TBC1D19: variants seen among roughly 807,000 people sequenced by gnomAD.
TBC1D19 encodes TBC1 domain family, member 19.
In TBC1D19, 60 loss-of-function variants were observed where a neutral mutation model predicts 89.0. The observed-to-expected ratio is 0.67, with a 90% CI of 0.55 to 0.84. TBC1D19 has a LOEUF of 0.84. Ranked by LOEUF, TBC1D19 falls within the 40% of genes least tolerant of loss-of-function variation. TBC1D19 has a pLI of 0.00. For synonymous variants in TBC1D19, 189 were observed against 199.7 expected, an observed-to-expected ratio of 0.95 and a Z score of 0.45; for missense variants, 500 against 610.8, an observed-to-expected ratio of 0.82 and a Z score of 1.91.
chr4:26,724,254 G>C (rs1717159331), intron 15 of TBC1D19, among the ~76,000 whole-genome samples: 2 of 152,220 alleles, frequency 1.3e-5, no homozygotes, highest in African/African-American at 4.8e-5. Flanking sequence ...GTCTTGTCTA[G>C]TAAGTCCAAT....
intron 17 of TBC1D19, 80 bp downstream of exon 17, chr4:26,740,053 C>T: frequency 1.1e-6 from 1 of 900,172 alleles, no homozygotes; most frequent in Non-Finnish European, 1.6e-6. Context: ...AAGTCTTCTA[C>T]TCAAATTCTA....
chr4:26,677,272 A>C (rs1363118090), intron 11 of TBC1D19, among the ~76,000 whole-genome samples: 1 of 152,026 alleles, frequency 6.6e-6, no homozygotes, highest in Non-Finnish European at 1.5e-5. Flanking sequence ...TTAAAAAAAA[A>C]CAAAACCTTC....
chr4:26,744,094 A>T (rs1718517322), intron 18 of TBC1D19, among the ~76,000 whole-genome samples: 1 of 151,582 alleles, frequency 6.6e-6, no homozygotes, highest in Non-Finnish European at 1.5e-5. Context: ...TACTTGGGTT[A>T]TCTATTTCTT....
intron 7 of TBC1D19, among the ~76,000 whole-genome samples, chr4:26,658,713 A>G (rs959720208): frequency 6.6e-6 from 1 of 152,188 alleles, no homozygotes; most frequent in African/African-American, 2.4e-5. Flanking sequence ...CTTCCCATCC[A>G]TGAGCATGGA....
chr4:26,673,797 C>T lies in TBC1D19; in HGVS notation c.725C>T (p.Ala242Val), dbSNP rs1712551933. ...ATAGTTCTAGCAGAACAAGATAGTG[C>T]TGCTGCTCAACAGTACATCAGACAA... Reference protein sequence around the residue: ...GQKVLAEQDSAAAQQYIRQGS... With the variant: ...GQKVLAEQDSVAAQQYIRQGS... The change falls in exon 11 of 21, where the codon GCT (alanine) becomes GTT (valine). Residue 242 changes from alanine (A) to valine (V), a missense_variant. By Grantham distance (64) the Ala-to-Val change is moderately conservative. This residue lies in a region of TBC1D19 where 280 missense variants were observed against 291.7 expected (regional missense o/e 0.96). Coordinates refer to ENST00000264866, the MANE Select transcript of TBC1D19 (RefSeq NM_018317.4). 1 of 1,610,786 alleles carries T rather than the reference C, an allele frequency of 6.2e-7. No individual in the cohort carries two copies. Among genetic ancestry groups the T allele is most frequent in the Non-Finnish European group, 8.5e-7 (1 of 1,177,684 alleles).
In TBC1D19 at chr4:26,754,068, G is replaced by C. The variant is rs192459890; in HGVS notation, c.1506+178G>C. The C allele has an allele frequency of 2.9e-3, 1,643 of 575,054 alleles. 3 individuals carry two copies. Among genetic ancestry groups the C allele is most frequent in the Non-Finnish European group, 4.3e-3 (1,402 of 326,774 alleles). 35.6% of individuals were successfully genotyped at this position (575,054 alleles called of 1,614,324 possible). Reference sequence around the variant, plus strand: ...AGGATTCAAATTTCTTTAATTACTTGAGAAAAGTCTTCTTATGAAGGAGTA... The same window carrying C: ...AGGATTCAAATTTCTTTAATTACTTCAGAAAAGTCTTCTTATGAAGGAGTA... On this transcript the variant is annotated intron_variant, in intron 20 of 20. Coordinates refer to ENST00000264866, the MANE Select transcript of TBC1D19 (RefSeq NM_018317.4).
chr4:26,699,198 T>A (rs76231753), intron 13 of TBC1D19, among the ~76,000 whole-genome samples: 6 of 152,150 alleles, frequency 3.9e-5, no homozygotes, highest in Admixed American at 6.5e-5. Context: ...AAAAAGTGGG[T>A]GGAGGATATG....
At chr4:26,753,392 G>A (rs1578021279) in intron 19 of TBC1D19, among the ~76,000 whole-genome samples, 2 of 152,266 alleles carry the variant, frequency 1.3e-5, no homozygotes, top group Admixed American at 1.3e-4. Flanking sequence ...CACTTTGGGA[G>A]GGTGAGGCAG....
chr4:26,852,829 C>T, the TBC1D19 span, among the ~76,000 whole-genome samples: 1 of 152,166 alleles, frequency 6.6e-6, no homozygotes, highest in Non-Finnish European at 1.5e-5. Flanking sequence ...CCGCGTTAGC[C>T]AGGATGGTCT....
intron 7 of TBC1D19, among the ~76,000 whole-genome samples, chr4:26,640,930 C>T (rs1447831866): frequency 2.0e-5 from 3 of 152,182 alleles, no homozygotes; most frequent in East Asian, 1.9e-4. Flanking sequence ...CACAGCTCAA[C>T]GAGGCCTGCC....
chr4:26,803,976 T>G, the TBC1D19 span, among the ~76,000 whole-genome samples: 2 of 151,506 alleles, frequency 1.3e-5, no homozygotes, highest in Non-Finnish European at 2.9e-5. Flanking sequence ...GAAATGGGAT[T>G]CAATAGGCAG....
the TBC1D19 span, among the ~76,000 whole-genome samples, chr4:26,845,100 C>T: frequency 3.3e-5 from 5 of 152,226 alleles, no homozygotes; most frequent in African/African-American, 9.6e-5. Context: ...TTATCTTCTA[C>T]GTGTCAAGTA....
At position 26,706,056 on chromosome 4, in the gene TBC1D19, T is replaced by C. The variant is rs28677801; in HGVS notation, c.955-11877T>C. ...ACTCTCTGAGTATCTGGGACTATAG[T>C]TGCACATCACCATGCCCAGATCAAT... is the stretch of plus-strand genomic sequence containing the variant. On this transcript the variant is annotated intron_variant, in intron 13 of 20. Coordinates refer to ENST00000264866, the MANE Select transcript of TBC1D19 (RefSeq NM_018317.4). Among the ~76,000 whole-genome samples, 1,059 of 152,232 alleles carry C rather than the reference T, an allele frequency of 7.0e-3. 10 individuals carry two copies. Among genetic ancestry groups the C allele is most frequent in the African/African-American group, 0.024 (982 of 41,552 alleles).
chr4:26,744,020 T>A (rs1273113768), intron 18 of TBC1D19, among the ~76,000 whole-genome samples: 2 of 151,708 alleles, frequency 1.3e-5, no homozygotes, highest in African/African-American at 2.4e-5. Flanking sequence ...ATCATTTTTT[T>A]AAAAACTGAA....
chr4:26,680,282 A>G (rs1713217913), intron 11 of TBC1D19, among the ~76,000 whole-genome samples: 1 of 152,200 alleles, frequency 6.6e-6, no homozygotes, highest in Admixed American at 6.5e-5. Context: ...CTGGTTAAAC[A>G]CTTTTAAAAA....
rs1275299839 is a variant in TBC1D19 at position 26,755,941 on chromosome 4, T to C, written c.*994T>C. Among the ~76,000 whole-genome samples, 1 of 152,224 alleles carries C rather than the reference T, an allele frequency of 6.6e-6. No individual in the cohort carries two copies. Among genetic ancestry groups the C allele is most frequent in the Admixed American group, 6.5e-5 (1 of 15,286 alleles). On this transcript the variant is annotated 3_prime_UTR_variant, in exon 21 of 21. Transcript: ENST00000264866. ...TCCTAAAGACCTACCATTTCTGTAATATGGAATAATAGTATGTGGGGTAAA... is the reference window on the plus strand; with the variant it reads ...TCCTAAAGACCTACCATTTCTGTAACATGGAATAATAGTATGTGGGGTAAA...
intron 1 of TBC1D19, among the ~76,000 whole-genome samples, chr4:26,587,814 A>G (rs1739510538): frequency 6.6e-6 from 1 of 151,858 alleles, no homozygotes; most frequent in Non-Finnish European, 1.5e-5. Context: ...AAAAAAATTC[A>G]ATTAAAAATA....
At chr4:26,614,688 T>G (rs2110018224) in intron 3 of TBC1D19, among the ~76,000 whole-genome samples, 2 of 152,284 alleles carry the variant, frequency 1.3e-5, no homozygotes, top group Middle Eastern at 6.8e-3. Flanking sequence ...TTTTTTATTT[T>G]CTTTTTGAGA....
chr4:26,855,366 C>T, the TBC1D19 span, among the ~76,000 whole-genome samples: 1 of 152,142 alleles, frequency 6.6e-6, no homozygotes, highest in East Asian at 1.9e-4. Context: ...TCAAAACGAG[C>T]TCTTGTTTTT....
Sources: allele counts gnomAD v4.1 joint callset (sites outside exome capture counted in the v4.1 genomes callset), GRCh38; gene constraint gnomAD v4.1.1; regional missense constraint gnomAD v4.1.1; transcripts MANE v1.5; gene names NCBI Gene and HGNC (gene_info 2026-07-23, HGNC 2026-07-21).